GLYR1: variants seen among roughly 807,000 people sequenced by gnomAD.
GLYR1 encodes the protein glyoxylate reductase 1 homolog, also known as cytokine-like nuclear factor N-PAC.
A neutral mutation model predicts 72.7 loss-of-function variants in GLYR1; 21 were observed. That is an observed-to-expected ratio of 0.29 (90% CI 0.20 to 0.42). The LOEUF (loss-of-function observed/expected upper bound fraction) is 0.42. Among genes scored for constraint, GLYR1 ranks in the 10% least tolerant of loss-of-function variants. GLYR1 has a pLI of 1.00. For synonymous variants in GLYR1, 392 were observed against 270.2 expected (o/e 1.45, Z -4.42); for missense variants, 594 against 712.1 (o/e 0.83, Z 1.89).
chr16:4,827,331 C>A, intron 5 of GLYR1, among the ~76,000 whole-genome samples: 1 of 152,196 alleles, frequency 6.6e-6, no homozygotes, highest in East Asian at 1.9e-4. Flanking sequence ...ATTTAAAACA[C>A]ACCAAAATTC....
intron 11 of GLYR1, 61 bp from the exon 12 acceptor site, chr16:4,813,899 A>G (rs2083469340): frequency 7.7e-7 from 1 of 1,297,436 alleles, no homozygotes; most frequent in South Asian, 1.4e-5. Flanking sequence ...CAGGAGCCCT[A>G]CAGACCTCAG....
intron 15 of GLYR1, 88 bp from the exon 16 acceptor site, chr16:4,805,398 C>T (rs1359905927): frequency 1.1e-5 from 12 of 1,138,080 alleles, no homozygotes; most frequent in East Asian, 2.4e-5. Flanking sequence ...GTGGATGTGG[C>T]CAGCAGGCAG....
intron 5 of GLYR1, among the ~76,000 whole-genome samples, chr16:4,827,554 T>C (rs996566633): frequency 4.6e-5 from 7 of 152,018 alleles, no homozygotes; most frequent in African/African-American, 1.7e-4. Flanking sequence ...TATTATGCGT[T>C]GTTTTATTGT....
intron 3 of GLYR1, among the ~76,000 whole-genome samples, chr16:4,840,767 A>G (rs1003543581): frequency 1.3e-5 from 2 of 152,226 alleles, no homozygotes; most frequent in Admixed American, 1.3e-4. Flanking sequence ...ATCAGGGAGC[A>G]AGGTGGAACC....
At chr16:4,835,947 T>TAC (rs749798432) in intron 3 of GLYR1, among the ~76,000 whole-genome samples, 19 of 152,150 alleles carry the variant, frequency 1.2e-4, no homozygotes, top group Non-Finnish European at 2.4e-4. Context: ...CTCTAAAGGT[T>TAC]ACACTTCTTT....
rs1483110410 is a variant in GLYR1, at chr16:4,810,696, T to C, written c.1587+474A>G. Reference sequence around the variant, plus strand: ...GGCTAACATGGTGAAACCCTGTCTCTACTAAAAAAAAAAAAAAAAAAAAAA... The same window carrying C: ...GGCTAACATGGTGAAACCCTGTCTCCACTAAAAAAAAAAAAAAAAAAAAAA... On this transcript the variant is annotated intron_variant, in intron 15 of 15. Transcript: ENST00000321919. Among the ~76,000 whole-genome samples the C allele has an allele frequency of 5.6e-5, 2 of 35,650 alleles. 1 individual carries two copies. The highest frequency in any genetic ancestry group is 9.6e-5 in the Non-Finnish European group (2 of 20,880). 23.4% of individuals were successfully genotyped at this position (35,650 alleles called of 152,430 possible).
Position 4,806,243 on chromosome 16 carries a change from G to T in GLYR1, c.1588-933C>A, listed in dbSNP as rs562468436. ...AGCCCCCCCACACAGAATGGCAGCA[G>T]TGCCGAGGTTGAGAAACCCTGCCTT... On this transcript the variant is annotated intron_variant, in intron 15 of 15. Coordinates refer to ENST00000321919, the MANE Select transcript of GLYR1 (RefSeq NM_032569.4). Among the ~76,000 whole-genome samples the T allele has an allele frequency of 1.8e-3, 269 of 152,334 alleles. 1 individual carries two copies. Among genetic ancestry groups the T allele is most frequent in the Non-Finnish European group, 2.9e-3 (198 of 68,028 alleles).
chr16:4,830,061 C>G (rs146258549), intron 5 of GLYR1, among the ~76,000 whole-genome samples: 1,683 of 152,152 alleles, frequency 0.011, 5 homozygotes, highest in Non-Finnish European at 0.019. Flanking sequence ...GCACTGGCCT[C>G]CCAAAGTGCT....
Position 4,846,116 on chromosome 16 carries a change from A to G in GLYR1, c.75+58T>C, listed in dbSNP as rs539360946. 4 of 1,572,030 alleles carry G rather than the reference A, an allele frequency of 2.5e-6. No individual in the cohort carries two copies. The South Asian group carries it at 3.3e-5, about 13-fold the overall frequency. The stretch of plus-strand genomic sequence containing the variant: ...AGAAACTGAGAGGAATGCATCTTAC[A>G]TTCTCCACCTCTTCAAACCCAACTT... On this transcript the variant is annotated intron_variant, in intron 2 of 15. Transcript: ENST00000321919.
Position 4,832,127 on chromosome 16 carries a change from C to T in GLYR1, c.389G>A (p.Ser130Asn). Residue 130 changes from serine to asparagine, a missense_variant, in exon 5 of 16, where the codon AGC becomes AAC. Physicochemically the swap from Ser to Asn is conservative, Grantham distance 46. Around this residue, in one of 5 missense-constraint regions of GLYR1, gnomAD observed 252 missense variants for 211.3 expected, o/e 1.19. Coordinates refer to ENST00000321919, the MANE Select transcript of GLYR1 (RefSeq NM_032569.4). ...CTTCTTCACCTTCCCTTCAGACAGG[C>T]TAAGTTTGCGCTTCTCATCACCTGA... ...PNSGDEKRKL[S>N]LSEGKVKKNM... is the part of the protein sequence containing the mutation. The T allele has an allele frequency of 1.2e-6, 2 of 1,614,192 alleles. No individual in the cohort carries two copies. Among genetic ancestry groups the T allele is most frequent in the Non-Finnish European group, 1.7e-6 (2 of 1,180,034 alleles).
At chr16:4,822,845 C>G (rs763920962) in intron 7 of GLYR1, 30 bp downstream of exon 7, 1 of 1,605,484 alleles carries the variant, frequency 6.2e-7, no homozygotes, top group Non-Finnish European at 8.5e-7. Context: ...AGCCCCTGAC[C>G]AAGGGCCAAG....
intron 6 of GLYR1, among the ~76,000 whole-genome samples, chr16:4,823,145 A>G (rs968457932): frequency 5.3e-5 from 8 of 152,276 alleles, no homozygotes; most frequent in African/African-American, 1.4e-4. Context: ...AAAGTGTAAA[A>G]GAATAGATGA....
At chr16:4,812,406 T>G (rs781729186) in intron 12 of GLYR1, among the ~76,000 whole-genome samples, 158 bp from the exon 13 acceptor site, 78 of 151,890 alleles carry the variant, frequency 5.1e-4, no homozygotes, top group Non-Finnish European at 8.2e-4. Context: ...ACACCTAAAC[T>G]CAGGAGCTAA....
At chr16:4,822,972 A>T (rs536596030) in intron 6 of GLYR1, 41 bp from the exon 7 acceptor site, 5 of 1,531,152 alleles carry the variant, frequency 3.3e-6, no homozygotes, top group African/African-American at 2.7e-5. Context: ...GTTATCTGCC[A>T]CCAAAGGTCA....
At chr16:4,829,107 C>G (rs1279710085) in intron 5 of GLYR1, among the ~76,000 whole-genome samples, 8 of 151,994 alleles carry the variant, frequency 5.3e-5, no homozygotes, top group African/African-American at 1.9e-4. Flanking sequence ...AAACCTTGGG[C>G]TGACGGTATG....
intron 10 of GLYR1, among the ~76,000 whole-genome samples, chr16:4,816,806 T>A (rs145723841): frequency 6.6e-6 from 1 of 152,038 alleles, no homozygotes; most frequent in East Asian, 2.0e-4. Flanking sequence ...GCTAACATGG[T>A]GAAACCCCTT....
intron 15 of GLYR1, among the ~76,000 whole-genome samples, chr16:4,809,648 T>C (rs1015108284): frequency 1.4e-5 from 2 of 143,754 alleles, no homozygotes; most frequent in Non-Finnish European, 3.0e-5. Context: ...AGGCAGCTGG[T>C]TGTGGTGGTT....
chr16:4,838,796 C>G (rs1228059561), intron 3 of GLYR1, among the ~76,000 whole-genome samples: 1 of 152,066 alleles, frequency 6.6e-6, no homozygotes, highest in Non-Finnish European at 1.5e-5. Flanking sequence ...ACCATGTTAG[C>G]CAGCATGGTC....
At chr16:4,836,513 A>G (rs138868721) in intron 3 of GLYR1, among the ~76,000 whole-genome samples, 110 of 152,364 alleles carry the variant, frequency 7.2e-4, no homozygotes, top group African/African-American at 2.6e-3. Flanking sequence ...TATGTACAGT[A>G]GAATGAATGA....
Sources: allele counts gnomAD v4.1 joint callset (sites outside exome capture counted in the v4.1 genomes callset), GRCh38; gene constraint gnomAD v4.1.1; regional missense constraint gnomAD v4.1.1; transcripts MANE v1.5; gene names NCBI Gene and HGNC (gene_info 2026-07-23, HGNC 2026-07-21).